VARS1: variants seen among roughly 807,000 people sequenced by gnomAD.
VARS1 encodes the protein valine--tRNA ligase.
Under a neutral mutation model 161.0 loss-of-function variants are expected in VARS1, and 92 were observed. That is an observed-to-expected ratio of 0.57 (90% CI 0.48 to 0.68). The LOEUF (loss-of-function observed/expected upper bound fraction) is 0.68, where lower values mean the gene tolerates loss of function less well. Ranked by LOEUF, VARS1 falls within the 30% of genes least tolerant of loss-of-function variation. The pLI, the probability that VARS1 is intolerant of heterozygous loss-of-function variation, is 0.00. For synonymous variants in VARS1, 595 were observed against 682.5 expected (o/e 0.87, Z 2.00); for missense variants, 1,338 against 1,695.9 (o/e 0.79, Z 3.71).
rs774706077 is a variant in VARS1, at chr6:31,794,960, G to A, written c.258C>T (p.Gly86=). ...AQLLWPAGLG[G]PGGSRAAVLV... ...GGACAGCCGCCCGGCTGCCCCCTGG[G>A]CCCCCCAGGCCTGCTGGCCACAGCA... The change falls in exon 2 of 30, where the codon GGC becomes GGT. Residue 86 remains glycine (G), a synonymous_variant. Coordinates refer to ENST00000375663, the MANE Select transcript of VARS1 (RefSeq NM_006295.3). 1 of 1,612,280 alleles carries A rather than the reference G, an allele frequency of 6.2e-7. No individual in the cohort carries two copies. The highest frequency in any genetic ancestry group is 8.5e-7 in the Non-Finnish European group (1 of 1,179,752).
rs747546909 is a variant in VARS1, at chr6:31,794,823, C to T, written c.387+8G>A. 8 of 1,585,382 alleles carry T rather than the reference C, an allele frequency of 5.0e-6. No individual in the cohort carries two copies. In the Admixed American group the frequency reaches 1.2e-4, roughly 24 times the overall value. ...CTCCCCTCCCCCTCTTCTGTACAAC[C>T]CCCTCACCTGGGGGTCCTGGGCCGA... On this transcript the variant is annotated splice_region_variant and intron_variant, in intron 2 of 29. Transcript: ENST00000375663.
Position 31,782,806 on chromosome 6 carries a change from T to G in VARS1, c.1802A>C (p.Tyr601Ser). 1 of 1,612,946 alleles carries G rather than the reference T, an allele frequency of 6.2e-7. No individual in the cohort carries two copies. ...CAGCCCGTGCCGCTGCCCAACTTCATAGTCATTTTGGTCATGTGCGGGGGT... is the reference window on the plus strand; with the variant it reads ...CAGCCCGTGCCGCTGCCCAACTTCAGAGTCATTTTGGTCATGTGCGGGGGT... ...KITPAHDQND[Y>S]EVGQRHGLEA... Residue 601 changes from tyrosine to serine, a missense_variant, in exon 15 of 30, where the codon TAT (tyrosine) becomes TCT (serine). By Grantham distance (144) the Tyr-to-Ser change is moderately radical (BLOSUM62 -2). Around this residue, in one of 3 missense-constraint regions of VARS1, gnomAD observed 902 missense variants for 1,090.3 expected, o/e 0.83. Coordinates refer to ENST00000375663, the MANE Select transcript of VARS1 (RefSeq NM_006295.3). This position sits in a 1 kb window ranked among gnomAD's most constrained non-coding sequence, Gnocchi z 8.3.
intron 2 of VARS1, 119 bp downstream of exon 2, chr6:31,794,712 G>A: frequency 1.5e-6 from 2 of 1,369,324 alleles, no homozygotes; most frequent in Non-Finnish European, 1.9e-6. Flanking sequence ...TGGCAATCTG[G>A]GATTTGATCA....
In VARS1 at chr6:31,781,675, G is replaced by C; in HGVS notation, c.2418+16C>G. 9 of 1,612,964 alleles carry C rather than the reference G, an allele frequency of 5.6e-6. No homozygotes were observed. Among genetic ancestry groups the C allele is most frequent in the Non-Finnish European group, 7.6e-6 (9 of 1,179,994 alleles). On this transcript the variant is annotated intron_variant, in intron 20 of 29. Transcript: ENST00000375663. This position sits in a 1 kb window ranked among gnomAD's most constrained non-coding sequence, Gnocchi z 6.8. ...CCAGTCCCCTGTCCCGCCAAGCCCC[G>C]GCCCCAGGAACACACCTGGTTGGGC...
At chr6:31,786,281 A>G (rs1266505703) in intron 8 of VARS1, among the ~76,000 whole-genome samples, 1 of 151,946 alleles carries the variant, frequency 6.6e-6, no homozygotes, top group Non-Finnish European at 1.5e-5. Context: ...CAAAAAAAAA[A>G]AGAAAGAAGC....
chr6:31,778,756 C>G lies in VARS1; in HGVS notation c.3726+211G>C. The G allele has an allele frequency of 1.5e-6, 1 of 651,372 alleles. No individual in the cohort carries two copies. The highest frequency in any genetic ancestry group is 2.6e-6 in the Non-Finnish European group (1 of 388,296). The allele number at this position is 651,372 out of a possible 1,614,324, so 40.3% of individuals were successfully genotyped here. On this transcript the variant is annotated intron_variant, in intron 29 of 29. Transcript: ENST00000375663. This position sits in a 1 kb window ranked among gnomAD's most constrained non-coding sequence, Gnocchi z 5.1. ...CCCTGGGCTCAAGTGATCCACCCAC[C>G]TTGGCCTCCCAAATTTCTGGGATTA... is the stretch of plus-strand genomic sequence containing the variant.
At position 31,784,073 on chromosome 6, in the gene VARS1, G is replaced by A; in HGVS notation, c.1671+141C>T. 1 of 918,454 alleles carries A rather than the reference G, an allele frequency of 1.1e-6. No homozygotes were observed. Among genetic ancestry groups the A allele is most frequent in the Non-Finnish European group, 1.7e-6 (1 of 587,090 alleles). The allele number at this position is 918,454 out of a possible 1,614,324, so 56.9% of individuals were successfully genotyped here. On this transcript the variant is annotated intron_variant, in intron 13 of 29. Transcript: ENST00000375663. The surrounding 1 kb of genome is among the most constrained non-coding windows in gnomAD (Gnocchi z 6.1). ...ACAGTCCCCAATAGCTCTACCCTCA[G>A]AGCTGGGAAAGAAGCTGAAGACCAG...
Position 31,793,108 on chromosome 6 carries a change from C to G in VARS1, c.400G>C (p.Ala134Pro). Residue 134 changes from alanine (A) to proline (P), a missense_variant, in exon 3 of 30, where the codon GCC becomes CCC. Ala to Pro is a conservative substitution (Grantham distance 27). Coordinates refer to ENST00000375663, the MANE Select transcript of VARS1 (RefSeq NM_006295.3). ...SAQDPQAVLG[A>P]LGRALSPLEE... ...AAGGGGCTCAGGGCCCTGCCCAGGG[C>G]CCCCAGCACAGCCTGGCAGGAAGGG... 1.3e-6 allele frequency: 2 copies of G among 1,594,646 alleles called. No individual in the cohort carries two copies. Among genetic ancestry groups the G allele is most frequent in the Non-Finnish European group, 1.7e-6 (2 of 1,175,238 alleles).
rs781496761 is a variant in VARS1, at chr6:31,782,462, G to A, written c.1992-19C>T. ...CGACCGGCTGGGGGTACACGTAGGT[G>A]AGAAGGCCAGGCGGTAAAACCCTGA... On this transcript the variant is annotated intron_variant, in intron 16 of 29. Coordinates refer to ENST00000375663, the MANE Select transcript of VARS1 (RefSeq NM_006295.3). This position sits in a 1 kb window ranked among gnomAD's most constrained non-coding sequence, Gnocchi z 8.3. 12 of 1,611,948 alleles carry A rather than the reference G, an allele frequency of 7.4e-6. No homozygotes were observed. The Admixed American group carries it at 1.7e-4, about 22-fold the overall frequency.
rs1159398783 is a variant in VARS1, at chr6:31,795,492, C to G, written c.-34+54G>C. ...GGGGCTTCGGGGAGTGTGGAAGGCT[C>G]TCAGGAGCGGGTCGGCGTCTGGTTG... On this transcript the variant is annotated intron_variant, in intron 1 of 29. Transcript: ENST00000375663. The surrounding 1 kb of genome is among the most constrained non-coding windows in gnomAD (Gnocchi z 6.9). 1 of 350,468 alleles carries G rather than the reference C, an allele frequency of 2.9e-6. No individual in the cohort carries two copies. Among genetic ancestry groups the G allele is most frequent in the Non-Finnish European group, 5.1e-6 (1 of 195,520 alleles). 21.7% of individuals were successfully genotyped at this position (350,468 alleles called of 1,614,324 possible).
In VARS1 at chr6:31,780,239, C is replaced by T. The variant is rs1385353377; in HGVS notation, c.2926-86G>A. ...GCAGGAGTCATGGGCAAATCTTCAT[C>T]CAGAGTCTGATGAGTCCAAAGCAAC... On this transcript the variant is annotated intron_variant, in intron 25 of 29. Coordinates refer to ENST00000375663, the MANE Select transcript of VARS1 (RefSeq NM_006295.3). This position sits in a 1 kb window ranked among gnomAD's most constrained non-coding sequence, Gnocchi z 5.1. 2 of 1,576,456 alleles carry T rather than the reference C, an allele frequency of 1.3e-6. No homozygotes were observed. The highest frequency in any genetic ancestry group is 1.7e-6 in the Non-Finnish European group (2 of 1,163,154).
rs562238424 is a variant in VARS1 at position 31,781,299 on chromosome 6, T to C, written c.2545-176A>G. 3 of 1,205,588 alleles carry C rather than the reference T, an allele frequency of 2.5e-6. No individual in the cohort carries two copies. Among genetic ancestry groups the C allele is most frequent in the East Asian group, 5.1e-5 (2 of 39,094 alleles). The allele number at this position is 1,205,588 out of a possible 1,614,324, so 74.7% of individuals were successfully genotyped here. On this transcript the variant is annotated intron_variant, in intron 21 of 29. Transcript: ENST00000375663. The surrounding 1 kb of genome is among the most constrained non-coding windows in gnomAD (Gnocchi z 6.8). ...AGAAGCACTCCTTCCTCTGGGAAGA[T>C]GAAGCCCTGGGCACAGGAATCACTG...
rs780044529 is a variant in VARS1, at chr6:31,780,482, G to A, written c.2884C>T (p.Arg962Cys). 1.6e-5 allele frequency: 26 copies of A among 1,613,896 alleles called. No individual in the cohort carries two copies. Among genetic ancestry groups the A allele is most frequent in the Non-Finnish European group, 1.9e-5 (22 of 1,179,994 alleles). ...KLWNATKFAL[R>C]GLGKGFVPSP... Reference sequence around the variant, plus strand: ...GGCACAAAACCCTTCCCAAGGCCACGAAGGGCAAACTTGGTGGCATTCCAG... The same window carrying A: ...GGCACAAAACCCTTCCCAAGGCCACAAAGGGCAAACTTGGTGGCATTCCAG... The change falls in exon 25 of 30, where the codon CGT becomes TGT. Residue 962 changes from arginine (R) to cysteine (C), a missense_variant. Around this residue, in one of 3 missense-constraint regions of VARS1, gnomAD observed 433 missense variants for 586.2 expected, o/e 0.74. Coordinates refer to ENST00000375663, the MANE Select transcript of VARS1 (RefSeq NM_006295.3). This position sits in a 1 kb window ranked among gnomAD's most constrained non-coding sequence, Gnocchi z 5.1.
intron 4 of VARS1, 116 bp downstream of exon 4, chr6:31,792,641 T>C: frequency 2.5e-6 from 4 of 1,591,986 alleles, no homozygotes; most frequent in Non-Finnish European, 3.4e-6. Context: ...CCCCTCTCCC[T>C]CCTCTCCCGC....
At chr6:31,789,871 A>T (rs2151430667) in intron 8 of VARS1, among the ~76,000 whole-genome samples, 1 of 151,950 alleles carries the variant, frequency 6.6e-6, no homozygotes, top group Non-Finnish European at 1.5e-5. Flanking sequence ...ATACAAAAAA[A>T]AAATTAGCCG....
intron 13 of VARS1, among the ~76,000 whole-genome samples, chr6:31,783,664 CTTT>C (rs113840487): frequency 7.0e-6 from 1 of 142,780 alleles, no homozygotes; most frequent in Admixed American, 7.0e-5. Flanking sequence ...CTCTATTTAA[CTTT>C]TTTTTTTTTT....
Position 31,792,853 on chromosome 6 carries a change from G to A in VARS1, c.565C>T (p.Arg189Cys), listed in dbSNP as rs200039031. 4.9e-5 allele frequency: 79 copies of A among 1,614,136 alleles called. 1 individual carries two copies. In the Middle Eastern group the frequency reaches 4.9e-4, roughly 10 times the overall value. ...PARRIWNNVT[R>C]WFVTCVRQPE... ...TGCCGGACACACGTGACAAACCAGC[G>A]AGTCACATTATTCCAGATCCGGCGG... Residue 189 changes from arginine (R) to cysteine (C), a missense_variant, in exon 4 of 30, where the codon CGC becomes TGC. Physicochemically the swap from Arg to Cys is radical, Grantham distance 180. Coordinates refer to ENST00000375663, the MANE Select transcript of VARS1 (RefSeq NM_006295.3).
Position 31,795,282 on chromosome 6 carries a change from G to A in VARS1, c.-33-32C>T, listed in dbSNP as rs1814204399. 2 of 1,347,816 alleles carry A rather than the reference G, an allele frequency of 1.5e-6. No individual in the cohort carries two copies. Among genetic ancestry groups the A allele is most frequent in the African/African-American group, 1.4e-5 (1 of 69,280 alleles). The allele number at this position is 1,347,816 out of a possible 1,614,324, so 83.5% of individuals were successfully genotyped here. A position where few individuals can be genotyped will look rare whatever the true frequency, so the allele number is the denominator to read the frequency against. On this transcript the variant is annotated intron_variant, in intron 1 of 29. Coordinates refer to ENST00000375663, the MANE Select transcript of VARS1 (RefSeq NM_006295.3). The surrounding 1 kb of genome is among the most constrained non-coding windows in gnomAD (Gnocchi z 6.9). Reference sequence around the variant, plus strand: ...AGAAAGAGAGACAGGGGAAGACTGCGGGATCGAGGTGGGTCCTATGTTTGA... The same window carrying A: ...AGAAAGAGAGACAGGGGAAGACTGCAGGATCGAGGTGGGTCCTATGTTTGA...
chr6:31,792,960 G>A (rs1318573552), intron 3 of VARS1, 26 bp downstream of exon 3: 2 of 1,614,052 alleles, frequency 1.2e-6, no homozygotes, highest in Non-Finnish European at 1.7e-6. Flanking sequence ...GAGCAGTCTT[G>A]TTCTTCCCCA....
Sources: gnomAD v4.1 joint callset for allele counts (sites outside exome capture counted in the v4.1 genomes callset) on GRCh38, gnomAD v4.1.1 for gene constraint, gnomAD v4.1.1 regional missense constraint, Gnocchi (gnomAD v3.1) non-coding constraint, MANE v1.5 for transcripts, NCBI Gene and HGNC (gene_info 2026-07-23, HGNC 2026-07-21) for gene names.